The following FN3K variants were observed in gnomAD, a reference collection of about 807,000 sequenced individuals.
The protein encoded by FN3K is fructosamine 3 kinase.
FN3K carries 24 observed loss-of-function variants against 24.8 expected under a neutral mutation model. The ratio of observed to expected loss-of-function variants is 0.97; its 90% confidence interval spans 0.70 to 1.36. FN3K has a LOEUF of 1.36. Among genes scored for constraint, FN3K ranks in the 40% most tolerant of loss-of-function variants. The probability of loss-of-function intolerance (pLI) is 0.00; values close to 1 mark genes in which losing one functional copy is unlikely to be tolerated. For missense variants in FN3K, 449 were observed against 416.7 expected (o/e 1.08, Z -0.67); for synonymous variants, 192 against 175.2 (o/e 1.10, Z -0.76).
At chr17:82,735,865 G>T (rs2046897484) in intron 1 of FN3K, 88 bp downstream of exon 1, 1 of 1,476,312 alleles carries the variant, frequency 6.8e-7, no homozygotes, top group Non-Finnish European at 9.1e-7. Context: ...ATTTCCTGGG[G>T]CTGGGCCTGG....
intron 4 of FN3K, among the ~76,000 whole-genome samples, chr17:82,748,129 C>T (rs2046978543): frequency 6.6e-6 from 1 of 151,598 alleles, no homozygotes; most frequent in Non-Finnish European, 1.5e-5. Context: ...ATTAATGTAG[C>T]CACTCTAGCT....
At chr17:82,750,095 CAT>C (rs2046993451) in intron 5 of FN3K, among the ~76,000 whole-genome samples, 2 of 150,012 alleles carry the variant, frequency 1.3e-5, no homozygotes, top group African/African-American at 2.4e-5. Context: ...AACCTGCAGA[CAT>C]ATATGTGTAG....
At chr17:82,738,948 T>TATA (rs1598340682) in intron 2 of FN3K, among the ~76,000 whole-genome samples, 2 of 80,814 alleles carry the variant, frequency 2.5e-5, no homozygotes, top group East Asian at 2.9e-4. Flanking sequence ...ATATATATAT[T>TATA]TTTTTTTTTT....
At chr17:82,737,567 C>T (rs1313520325) in intron 1 of FN3K, 2 of 152,218 alleles carry the variant, frequency 1.3e-5, no homozygotes, top group African/African-American at 4.8e-5. Flanking sequence ...TGTGATCCGC[C>T]CACCCCGGCC....
In FN3K at chr17:82,735,925, G is replaced by A. The variant is rs937908176; in HGVS notation, c.141+148G>A. 8 of 1,048,824 alleles carry A rather than the reference G, an allele frequency of 7.6e-6. No homozygotes were observed. The South Asian group carries it at 9.2e-5, about 12-fold the overall frequency. The allele number at this position is 1,048,824 out of a possible 1,614,324, so 65.0% of individuals were successfully genotyped here. A position where few individuals can be genotyped will look rare whatever the true frequency, so the allele number is the denominator to read the frequency against. On this transcript the variant is annotated intron_variant, in intron 1 of 5. Transcript: ENST00000300784. ...GAGGTGGCACCTGCTGGGTGAGCCC[G>A]GCTCAAGCGTTCTGTGAAGGTTTGT...
chr17:82,750,308 G>A, intron 5 of FN3K, 109 bp from the exon 6 acceptor site: 1 of 967,210 alleles, frequency 1.0e-6, no homozygotes, highest in Middle Eastern at 2.0e-4. Context: ...CAGTGCTGGG[G>A]CTGGACACCG....
At chr17:82,746,636 A>G (rs1044132962) in intron 4 of FN3K, among the ~76,000 whole-genome samples, 1 of 151,920 alleles carries the variant, frequency 6.6e-6, no homozygotes, top group African/African-American at 2.4e-5. Context: ...CCCCATCTCT[A>G]CTAAAAATAC....
rs1355929243 is a variant in FN3K, at chr17:82,735,676, C to G, written c.40C>G (p.Leu14Val). The G allele has an allele frequency of 6.5e-7, 1 of 1,540,874 alleles. No individual in the cohort carries two copies. Among genetic ancestry groups the G allele is most frequent in the Non-Finnish European group, 8.7e-7 (1 of 1,147,368 alleles). ...LLRAELRTAT[L>V]RAFGGPGAGC... is the part of the protein sequence containing the mutation. ...GCGCGCCGAGCTGCGCACCGCGACC[C>G]TGCGGGCCTTCGGCGGCCCCGGCGC... The change falls in exon 1 of 6, where the codon CTG becomes GTG. Residue 14 changes from leucine to valine, a missense_variant. Leu to Val is a conservative substitution (Grantham distance 32). Transcript: ENST00000300784.
chr17:82,742,905 G>T, intron 4 of FN3K: 1 of 327,986 alleles, frequency 3.0e-6, no homozygotes, highest in South Asian at 2.4e-5. Context: ...GTGGGTAGAG[G>T]GTGATTCTCC....
In FN3K at chr17:82,740,921, G is replaced by T. The variant is rs552066263; in HGVS notation, c.385+67G>T. On this transcript the variant is annotated intron_variant, in intron 3 of 5. Coordinates refer to ENST00000300784, the MANE Select transcript of FN3K (RefSeq NM_022158.4). ...TTGTCTACCCTAGATGGGTGCTCAT[G>T]GTACTTCTTGGTGGCATTTCAATAA... 76 of 1,020,026 alleles carry T rather than the reference G, an allele frequency of 7.5e-5. 1 individual carries two copies. Among genetic ancestry groups the T allele is most frequent in the Middle Eastern group, 2.5e-4 (1 of 3,984 alleles). 63.2% of individuals were successfully genotyped at this position (1,020,026 alleles called of 1,614,324 possible).
rs2046924281 is a variant in FN3K, at chr17:82,738,946, A to ACG, written c.293+306_293+307insCG. Among the ~76,000 whole-genome samples the ACG allele has an allele frequency of 1.5e-3, 127 of 86,024 alleles. 2 individuals are homozygous for ACG. The highest frequency in any genetic ancestry group is 6.2e-3 in the African/African-American group (119 of 19,314). 56.4% of individuals were successfully genotyped at this position (86,024 alleles called of 152,430 possible). On this transcript the variant is annotated intron_variant, in intron 2 of 5. Coordinates refer to ENST00000300784, the MANE Select transcript of FN3K (RefSeq NM_022158.4). ...TACACATATATATATATATATATAT[A>ACG]TTTTTTTTTTTTTTGAAACACAGTC...
chr17:82,738,946 ATT>A (rs539276396), intron 2 of FN3K, among the ~76,000 whole-genome samples: 29,361 of 84,888 alleles, frequency 0.35, 4,390 homozygotes, highest in Admixed American at 0.39. Context: ...ATATATATAT[ATT>A]TTTTTTTTTT....
chr17:82,738,534 A>G lies in FN3K; in HGVS notation c.187A>G (p.Arg63Gly), dbSNP rs2253149. Residue 63 changes from arginine (R) to glycine (G), a missense_variant, in exon 2 of 6, where the codon AGG becomes GGG. Transcript: ENST00000300784. ...EGEVASLEAL[R>G]STGLVRVPRP... ...GGAGGTGGCCAGCCTGGAGGCCCTC[A>G]GGAGCACGGGCCTGGTGCGGGTGCC... 6.2e-7 allele frequency: 1 copy of G among 1,613,030 alleles called. No individual in the cohort carries two copies. The highest frequency in any genetic ancestry group is 1.3e-5 in the African/African-American group (1 of 74,900).
At chr17:82,746,168 A>C (rs563375650) in intron 4 of FN3K, among the ~76,000 whole-genome samples, 1 of 151,946 alleles carries the variant, frequency 6.6e-6, no homozygotes, top group Admixed American at 6.6e-5. Flanking sequence ...CCAGCAGCAT[A>C]TGGGAGTTCC....
chr17:82,744,970 A>G (rs981848358), intron 4 of FN3K: 1 of 152,234 alleles, frequency 6.6e-6, no homozygotes. Context: ...TTTTATACCG[A>G]GACATTCCAT....
At chr17:82,749,661 A>G (rs1277869819) in intron 5 of FN3K, 1 of 157,888 alleles carries the variant, frequency 6.3e-6, no homozygotes, top group Non-Finnish European at 1.4e-5. Flanking sequence ...GAGATCCTGT[A>G]TCAAAAAGAA....
rs147035545 is a variant in FN3K, at chr17:82,738,443, C to T, written c.142-46C>T. 6.7e-4 allele frequency: 1,086 copies of T among 1,610,900 alleles called. 4 individuals are homozygous for T. In the African/African-American group the frequency reaches 7.2e-3, roughly 11 times the overall value. On this transcript the variant is annotated intron_variant, in intron 1 of 5. Transcript: ENST00000300784. ...CTGTCAAGGGCCCAGTGGGCAGAGG[C>T]CCTGGCTGAGTCAACAAGGCTGACA... is the stretch of plus-strand genomic sequence containing the variant.
chr17:82,743,506 G>C (rs1049766086), intron 4 of FN3K, among the ~76,000 whole-genome samples: 1 of 152,144 alleles, frequency 6.6e-6, no homozygotes. Context: ...CTGGGGGAAT[G>C]TGTGCTGCAG....
chr17:82,747,629 G>A (rs1474902289), intron 4 of FN3K, among the ~76,000 whole-genome samples: 1 of 152,148 alleles, frequency 6.6e-6, no homozygotes, highest in African/African-American at 2.4e-5. Context: ...TTGATCTCTT[G>A]ACCTCGTGAT....
Sources: allele counts gnomAD v4.1 joint callset (sites outside exome capture counted in the v4.1 genomes callset), GRCh38; gene constraint gnomAD v4.1.1; transcripts MANE v1.5; gene names NCBI Gene and HGNC (gene_info 2026-07-23, HGNC 2026-07-21).